KCNAB1: variants seen among roughly 807,000 people sequenced by gnomAD.
The protein encoded by KCNAB1 is potassium voltage-gated channel subfamily A regulatory beta subunit 1.
Under a neutral mutation model 64.6 loss-of-function variants are expected in KCNAB1, and 35 were observed. The ratio of observed to expected loss-of-function variants is 0.54; its 90% CI spans 0.41 to 0.72. The LOEUF (loss-of-function observed/expected upper bound fraction) is 0.72, where lower values mean the gene tolerates loss of function less well. Ranked by LOEUF, KCNAB1 falls within the 30% of genes least tolerant of loss-of-function variation. The pLI is 0.00. For missense variants in KCNAB1, 401 were observed against 512.9 expected (o/e 0.78, Z 2.11); for synonymous variants, 177 against 183.8 (o/e 0.96, Z 0.30).
chr3:156,527,157 A>G (rs896157382), intron 12 of KCNAB1, among the ~76,000 whole-genome samples: 2 of 152,192 alleles, frequency 1.3e-5, no homozygotes, highest in African/African-American at 4.8e-5. Flanking sequence ...ATAAAATCAA[A>G]CAATGTATTT....
intron 1 of KCNAB1, among the ~76,000 whole-genome samples, chr3:156,323,171 T>C (rs1300806861): frequency 6.6e-6 from 1 of 152,196 alleles, no homozygotes; most frequent in African/African-American, 2.4e-5. Context: ...GGCTCACCTA[T>C]GTAAGAAATT....
intron 1 of KCNAB1, among the ~76,000 whole-genome samples, chr3:156,357,943 A>G (rs2108100368): frequency 1.3e-5 from 2 of 152,060 alleles, no homozygotes; most frequent in East Asian, 1.9e-4. Context: ...CTTAGATTTC[A>G]TAAAATTTAC....
chr3:156,273,855 C>G (rs925012262), intron 1 of KCNAB1, among the ~76,000 whole-genome samples: 2 of 152,136 alleles, frequency 1.3e-5, no homozygotes, highest in African/African-American at 4.8e-5. Context: ...CTGCCCCAAC[C>G]CACAGTTGTC....
chr3:156,295,951 C>T (rs966282453), intron 1 of KCNAB1, among the ~76,000 whole-genome samples: 1 of 152,158 alleles, frequency 6.6e-6, no homozygotes, highest in East Asian at 1.9e-4. Flanking sequence ...AACATTAGAA[C>T]TTATTTCTTC....
At chr3:156,439,457 C>G (rs1415673622) in intron 2 of KCNAB1, among the ~76,000 whole-genome samples, 1 of 152,160 alleles carries the variant, frequency 6.6e-6, no homozygotes, top group African/African-American at 2.4e-5. Context: ...AAGCTGGACT[C>G]TGTTTTGATA....
chr3:156,416,610 ATAAT>A (rs1234384640), intron 1 of KCNAB1, among the ~76,000 whole-genome samples: 1 of 152,210 alleles, frequency 6.6e-6, no homozygotes, highest in Non-Finnish European at 1.5e-5. Flanking sequence ...TTATAATCAA[ATAAT>A]TAATCTATTT....
intron 1 of KCNAB1, among the ~76,000 whole-genome samples, chr3:156,248,773 A>G (rs1307073854): frequency 6.6e-6 from 1 of 152,182 alleles, no homozygotes; most frequent in Non-Finnish European, 1.5e-5. Context: ...CTGCCCAGCA[A>G]GATAGTATTT....
intron 1 of KCNAB1, among the ~76,000 whole-genome samples, chr3:156,284,828 C>T (rs991245415): frequency 1.4e-4 from 21 of 152,306 alleles, no homozygotes; most frequent in African/African-American, 2.6e-4. Context: ...CTTCGGCTCG[C>T]GCACGATGCG....
At chr3:156,417,719 G>GAAAAAAAAAAAAAAAAAAAAA (rs200175870) in intron 1 of KCNAB1, among the ~76,000 whole-genome samples, 14 of 130,276 alleles carry the variant, frequency 1.1e-4, no homozygotes, top group African/African-American at 4.0e-4. Context: ...TGCCTTAAAA[G>GAAAAAAAAAAAAAAAAAAAAA]AAAAAAAAAA....
intron 1 of KCNAB1, among the ~76,000 whole-genome samples, chr3:156,295,447 A>AT (rs553250806): frequency 1.6e-3 from 238 of 152,344 alleles, no homozygotes; most frequent in Non-Finnish European, 2.8e-3. Context: ...CAAAACTGAG[A>AT]TTTTAGAAAG....
chr3:156,290,688 C>T (rs1720349513), intron 1 of KCNAB1, among the ~76,000 whole-genome samples: 1 of 152,154 alleles, frequency 6.6e-6, no homozygotes, highest in South Asian at 2.1e-4. Flanking sequence ...GTGGTTTCAG[C>T]CACATGCCTG....
At chr3:156,206,140 T>C (rs1446581456) in intron 1 of KCNAB1, among the ~76,000 whole-genome samples, 2 of 152,256 alleles carry the variant, frequency 1.3e-5, no homozygotes, top group East Asian at 1.9e-4. Flanking sequence ...TATTTGATGA[T>C]GGTTCCCTAG....
rs1005606373 is a variant in KCNAB1, at chr3:156,515,017, T to G, written c.745-83T>G. ...TTGGTTTGTACTGATTTCACCAAAG[T>G]AAACATTTCTCATGCATACAAATTA... On this transcript the variant is annotated intron_variant, in intron 9 of 13. Coordinates refer to ENST00000490337, the MANE Select transcript of KCNAB1 (RefSeq NM_172160.3). 9 of 1,373,436 alleles carry G rather than the reference T, an allele frequency of 6.6e-6. No individual in the cohort carries two copies. In the African/African-American group the frequency reaches 1.2e-4, roughly 18 times the overall value. 85.1% of individuals were successfully genotyped at this position (1,373,436 alleles called of 1,614,324 possible).
Position 156,200,814 on chromosome 3 carries a change from G to A in KCNAB1, c.275+79928G>A, listed in dbSNP as rs533250405. On this transcript the variant is annotated intron_variant, in intron 1 of 13. Coordinates refer to ENST00000490337, the MANE Select transcript of KCNAB1 (RefSeq NM_172160.3). ...TGGCTTCAGCCCCTTTTCCAGCGGA[G>A]TGAATGGTTCTGTTTTGCTATGGTT... is the stretch of plus-strand genomic sequence containing the variant. 6.6e-5 allele frequency among the ~76,000 whole-genome samples: 10 copies of A among 152,352 alleles called. No homozygotes were observed. The East Asian group carries it at 7.7e-4, about 12-fold the overall frequency.
intron 1 of KCNAB1, among the ~76,000 whole-genome samples, chr3:156,316,414 G>C (rs774612197): frequency 6.6e-6 from 1 of 152,234 alleles, no homozygotes; most frequent in Non-Finnish European, 1.5e-5. Flanking sequence ...ATCAAATCTT[G>C]ACTCTAGCAT....
At chr3:156,225,590 G>A (rs1487524783) in intron 1 of KCNAB1, among the ~76,000 whole-genome samples, 2 of 152,110 alleles carry the variant, frequency 1.3e-5, no homozygotes, top group African/African-American at 4.8e-5. Flanking sequence ...ACAAGAGAAA[G>A]AAATAAAGGG....
In KCNAB1 at chr3:156,196,271, A is replaced by G. The variant is rs79406529; in HGVS notation, c.275+75385A>G. Reference sequence around the variant, plus strand: ...GCCTCCAGCTTTGTTCTTTTTGCTTAGGATTGTCTTGGCTATACAGGCTCT... The same window carrying G: ...GCCTCCAGCTTTGTTCTTTTTGCTTGGGATTGTCTTGGCTATACAGGCTCT... On this transcript the variant is annotated intron_variant, in intron 1 of 13. Transcript: ENST00000490337. Among the ~76,000 whole-genome samples the G allele has an allele frequency of 4.6e-5, 7 of 152,268 alleles. No homozygotes were observed. The East Asian group carries it at 1.3e-3, about 29-fold the overall frequency.
At chr3:156,516,095 A>AGGCCGGGCGCGGTGGCTCACGCCTGT (rs1559925625) in intron 10 of KCNAB1, among the ~76,000 whole-genome samples, 175 bp from the exon 11 acceptor site, 6 of 152,140 alleles carry the variant, frequency 3.9e-5, no homozygotes, top group African/African-American at 1.4e-4. Context: ...AATGAAACAC[A>AGGCCGGGCGCGGTGGCTCACGCCTGT]ATTTGTAAGC....
At chr3:156,374,122 G>A (rs563881104) in intron 1 of KCNAB1, among the ~76,000 whole-genome samples, 2 of 152,232 alleles carry the variant, frequency 1.3e-5, no homozygotes, top group African/African-American at 2.4e-5. Flanking sequence ...TATTAAATGG[G>A]TTAGATCTTA....
Sources: allele counts gnomAD v4.1 joint callset (sites outside exome capture counted in the v4.1 genomes callset), GRCh38; gene constraint gnomAD v4.1.1; transcripts MANE v1.5; gene names NCBI Gene and HGNC (gene_info 2026-07-23, HGNC 2026-07-21).